Variants in COMMD1 observed in about 807,000 individuals in gnomAD.
COMMD1 encodes COMM domain-containing protein 1.
Under a neutral mutation model 17.2 loss-of-function variants are expected in COMMD1, and 10 were observed. That is an observed-to-expected ratio of 0.58 (90% CI 0.36 to 0.99). COMMD1 has a LOEUF of 0.99. Among genes scored for constraint, COMMD1 ranks in the 50% least tolerant of loss-of-function variants. COMMD1 has a pLI of 0.01. For missense variants in COMMD1, 270 were observed against 231.8 expected (o/e 1.17, Z -1.07); for synonymous variants, 97 against 91.6 (o/e 1.06, Z -0.34).
intron 1 of COMMD1, 69 bp downstream of exon 1, chr2:61,905,927 C>A (rs56175809): frequency 7.2e-5 from 107 of 1,484,924 alleles, no homozygotes; most frequent in Middle Eastern, 1.9e-4. Flanking sequence ...GACTCTCCCC[C>A]CCTTGCCTTC....
chr2:62,006,227 A>G (rs921635123), intron 2 of COMMD1, among the ~76,000 whole-genome samples: 3 of 150,774 alleles, frequency 2.0e-5, no homozygotes, highest in African/African-American at 7.3e-5. Flanking sequence ...GGATAGCATT[A>G]GGAGATATAC....
chr2:62,058,654 G>A (rs985974791), intron 2 of COMMD1, among the ~76,000 whole-genome samples: 1 of 152,030 alleles, frequency 6.6e-6, no homozygotes, highest in Non-Finnish European at 1.5e-5. Flanking sequence ...TAAGAGGATT[G>A]CTTGGGCCTG....
At chr2:62,051,145 A>G (rs2103917953) in intron 2 of COMMD1, among the ~76,000 whole-genome samples, 1 of 152,144 alleles carries the variant, frequency 6.6e-6, no homozygotes, top group Non-Finnish European at 1.5e-5. Context: ...TTATTTACCT[A>G]TATTTTATTT....
At chr2:61,914,593 A>G (rs1338337354) in intron 1 of COMMD1, among the ~76,000 whole-genome samples, 2 of 152,032 alleles carry the variant, frequency 1.3e-5, no homozygotes, top group Admixed American at 1.3e-4. Context: ...TAGTAATAAG[A>G]TGTTAAGAAT....
At chr2:61,897,905 T>C (rs1669584279) in intron 1 of COMMD1, among the ~76,000 whole-genome samples, 1 of 152,092 alleles carries the variant, frequency 6.6e-6, no homozygotes, top group Admixed American at 6.6e-5. Context: ...GTTTCATGCC[T>C]CCATATATAG....
rs186445668 is a variant in COMMD1, at chr2:62,092,826, G to A, written c.463-43005G>A. Among the ~76,000 whole-genome samples the A allele has an allele frequency of 2.4e-3, 362 of 152,288 alleles. 2 individuals carry two copies. Among genetic ancestry groups the A allele is most frequent in the African/African-American group, 8.1e-3 (336 of 41,562 alleles). ...TCTCCCTGTTACGATTTCACAGGGCGATAAATAATGTTTTTGAAAAGGAGC... is the reference window on the plus strand; with the variant it reads ...TCTCCCTGTTACGATTTCACAGGGCAATAAATAATGTTTTTGAAAAGGAGC... On this transcript the variant is annotated intron_variant, in intron 2 of 2. Transcript: ENST00000311832.
chr2:61,945,996 A>G (rs1195631028), intron 1 of COMMD1, among the ~76,000 whole-genome samples: 1 of 152,198 alleles, frequency 6.6e-6, no homozygotes, highest in Non-Finnish European at 1.5e-5. Context: ...GTGATGAGGC[A>G]TGTCCTACCT....
At chr2:62,077,797 A>G (rs1475773745) in intron 2 of COMMD1, among the ~76,000 whole-genome samples, 1 of 152,096 alleles carries the variant, frequency 6.6e-6, no homozygotes, top group Non-Finnish European at 1.5e-5. Flanking sequence ...TATACATTTT[A>G]GGGAGACATG....
chr2:62,104,633 CAAAAAAAAA>C (rs35679940), intron 2 of COMMD1, among the ~76,000 whole-genome samples: 15 of 76,728 alleles, frequency 2.0e-4, no homozygotes, highest in African/African-American at 7.6e-4. Flanking sequence ...GACTCCGTCT[CAAAAAAAAA>C]AAAAAAAAAA....
chr2:62,119,977 T>A (rs1181369784), intron 2 of COMMD1, among the ~76,000 whole-genome samples: 1 of 152,194 alleles, frequency 6.6e-6, no homozygotes, highest in Non-Finnish European at 1.5e-5. Context: ...TTTATTTATT[T>A]TTTTTATTAT....
intron 1 of COMMD1, among the ~76,000 whole-genome samples, chr2:61,895,959 T>C (rs1282402102): frequency 6.6e-6 from 1 of 152,176 alleles, no homozygotes; most frequent in Non-Finnish European, 1.5e-5. Flanking sequence ...TTGCCAACTG[T>C]GAACTCCACT....
At chr2:61,904,874 C>T (rs1453531608), upstream of COMMD1, among the ~76,000 whole-genome samples, 2 of 152,202 alleles carry the variant, frequency 1.3e-5, no homozygotes, top group African/African-American at 4.8e-5. Flanking sequence ...CCAACTATTA[C>T]ATTACTTTCA....
chr2:61,965,035 C>CA lies in COMMD1; in HGVS notation c.181-35658dup, dbSNP rs1295763527. On this transcript the variant is annotated intron_variant, in intron 1 of 2. Coordinates refer to ENST00000311832, the MANE Select transcript of COMMD1 (RefSeq NM_152516.4). ...TGGGCAACAGAGCAAGACTCCGTCTCAAAAAAAATTAAAAAAAAAGAATTG... is the reference window on the plus strand; with the variant it reads ...TGGGCAACAGAGCAAGACTCCGTCTCAAAAAAAAATTAAAAAAAAAGAATTG... Among the ~76,000 whole-genome samples, 5 of 151,452 alleles carry CA rather than the reference C, an allele frequency of 3.3e-5. No individual in the cohort carries two copies. In the South Asian group the frequency reaches 6.3e-4, roughly 19 times the overall value.
intron 2 of COMMD1, among the ~76,000 whole-genome samples, chr2:62,114,469 G>A (rs567171326): frequency 6.6e-6 from 1 of 152,284 alleles, no homozygotes; most frequent in South Asian, 2.1e-4. Context: ...TGATTTTTCA[G>A]TGTTATTTTT....
At chr2:62,040,233 G>A (rs1388651471) in intron 2 of COMMD1, among the ~76,000 whole-genome samples, 2 of 152,132 alleles carry the variant, frequency 1.3e-5, no homozygotes, top group Non-Finnish European at 2.9e-5. Flanking sequence ...CAGCCTACGT[G>A]ACAGAGTGAG....
intron 1 of COMMD1, among the ~76,000 whole-genome samples, chr2:61,985,136 C>T (rs1221437620): frequency 4.6e-5 from 7 of 151,500 alleles, no homozygotes; most frequent in East Asian, 1.9e-4. Context: ...CTGCAAGCTC[C>T]GCCTCCCAGG....
At chr2:62,002,406 G>C (rs1292947564) in intron 2 of COMMD1, among the ~76,000 whole-genome samples, 1 of 136,320 alleles carries the variant, frequency 7.3e-6, no homozygotes, top group Non-Finnish European at 1.5e-5. Flanking sequence ...CAGGAGAATC[G>C]CTTGAATCCG....
At chr2:62,120,755 T>C (rs1367180709) in intron 2 of COMMD1, among the ~76,000 whole-genome samples, 1 of 152,136 alleles carries the variant, frequency 6.6e-6, no homozygotes, top group African/African-American at 2.4e-5. Context: ...AGATGGAGTC[T>C]TGCCCTGTCA....
intron 1 of COMMD1, among the ~76,000 whole-genome samples, chr2:61,890,267 G>C (rs1669394519): frequency 6.6e-6 from 1 of 152,124 alleles, no homozygotes; most frequent in Non-Finnish European, 1.5e-5. Flanking sequence ...TGTTGCCCAG[G>C]CTGGAGCAGT....
Sources: allele counts gnomAD v4.1 joint callset (sites outside exome capture counted in the v4.1 genomes callset), GRCh38; gene constraint gnomAD v4.1.1; transcripts MANE v1.5; gene names NCBI Gene and HGNC (gene_info 2026-07-23, HGNC 2026-07-21).